ATG10: variants seen among roughly 807,000 people sequenced by gnomAD.
ATG10 encodes the protein autophagy related 10, also known as ubiquitin-like-conjugating enzyme ATG10.
In ATG10, 30 loss-of-function variants were observed where a neutral mutation model predicts 32.1. The observed-to-expected ratio is 0.94, with a 90% CI of 0.70 to 1.27. The LOEUF (loss-of-function observed/expected upper bound fraction) is 1.27. ATG10 is among the 50% of genes most tolerant of loss of function. ATG10 has a pLI of 0.00. For synonymous variants in ATG10, 87 were observed against 91.5 expected (o/e 0.95, Z 0.28); for missense variants, 233 against 262.3 (o/e 0.89, Z 0.77).
intron 5 of ATG10, among the ~76,000 whole-genome samples, chr5:82,231,808 A>G (rs1581831927): frequency 6.6e-6 from 1 of 152,300 alleles, no homozygotes; most frequent in South Asian, 2.1e-4. Flanking sequence ...AAAGTTGGGT[A>G]AGAAGCAGAA....
chr5:82,044,447 A>G (rs1185647891), intron 2 of ATG10, among the ~76,000 whole-genome samples: 1 of 151,780 alleles, frequency 6.6e-6, no homozygotes, highest in Non-Finnish European at 1.5e-5. Context: ...GTCCAATTCT[A>G]TTGGCTGATT....
intron 2 of ATG10, among the ~76,000 whole-genome samples, chr5:82,013,553 C>G (rs1017665220): frequency 6.6e-6 from 1 of 152,186 alleles, no homozygotes; most frequent in African/African-American, 2.4e-5. Context: ...AATGGTAGAT[C>G]TACTTTTAGT....
intron 3 of ATG10, among the ~76,000 whole-genome samples, chr5:82,097,241 ATTGAAAT>A (rs1416195995): frequency 8.5e-5 from 13 of 152,160 alleles, no homozygotes; most frequent in Non-Finnish European, 1.2e-4. Context: ...ATTTTTTTGT[ATTGAAAT>A]TTAAAATTTA....
intron 3 of ATG10, among the ~76,000 whole-genome samples, chr5:82,108,106 T>G (rs908453337): frequency 1.3e-5 from 2 of 152,026 alleles, no homozygotes; most frequent in African/African-American, 4.8e-5. Flanking sequence ...GAGTTTATTC[T>G]GTTGTCAGAG....
At chr5:82,188,649 G>A (rs1019134930) in intron 5 of ATG10, among the ~76,000 whole-genome samples, 1 of 152,080 alleles carries the variant, frequency 6.6e-6, no homozygotes, top group African/African-American at 2.4e-5. Context: ...ACAGCTTGGA[G>A]CAGGTGGAGA....
rs1747448040 is a variant in ATG10, at chr5:82,256,083, T to G, written c.*2020T>G. On this transcript the variant is annotated 3_prime_UTR_variant, in exon 8 of 8. Coordinates refer to ENST00000282185, the MANE Select transcript of ATG10 (RefSeq NM_031482.5). ...TAAACACAGATTTCTCAGCAAGTCATTTCTCAAGCCATGTCATTTCTAGTG... is the reference window on the plus strand; with the variant it reads ...TAAACACAGATTTCTCAGCAAGTCAGTTCTCAAGCCATGTCATTTCTAGTG... 6.6e-6 allele frequency: 1 copy of G among 152,220 alleles called. No homozygotes were observed. The highest frequency in any genetic ancestry group is 1.5e-5 in the Non-Finnish European group (1 of 68,050). 9.4% of individuals were successfully genotyped at this position (152,220 alleles called of 1,614,324 possible).
chr5:82,052,212 T>C (rs1763451791), intron 2 of ATG10, among the ~76,000 whole-genome samples: 1 of 152,164 alleles, frequency 6.6e-6, no homozygotes, highest in African/African-American at 2.4e-5. Flanking sequence ...CCCATTTTCT[T>C]TTAGATGTGT....
intron 2 of ATG10, among the ~76,000 whole-genome samples, chr5:81,990,654 A>C (rs934111587): frequency 6.6e-6 from 1 of 152,210 alleles, no homozygotes; most frequent in Admixed American, 6.5e-5. Context: ...TTAGGTAGGA[A>C]AGTTCCTTAC....
chr5:81,982,989 G>A (rs756969256), intron 1 of ATG10, among the ~76,000 whole-genome samples: 1 of 152,216 alleles, frequency 6.6e-6, no homozygotes, highest in Non-Finnish European at 1.5e-5. Flanking sequence ...CCATTTCTCA[G>A]TCTTTTCCCC....
chr5:82,032,460 G>A (rs1317863887), intron 2 of ATG10, among the ~76,000 whole-genome samples: 1 of 151,928 alleles, frequency 6.6e-6, no homozygotes, highest in Non-Finnish European at 1.5e-5. Context: ...GCCATGAATA[G>A]CCATTCAAAT....
intron 3 of ATG10, among the ~76,000 whole-genome samples, chr5:82,159,971 T>C (rs1743248985): frequency 6.6e-6 from 1 of 152,170 alleles, no homozygotes; most frequent in Non-Finnish European, 1.5e-5. Context: ...TATAGTATAA[T>C]ATCAGAACCA....
chr5:82,157,079 CCCTCCTGCCTCG>C (rs1767826580), intron 3 of ATG10, among the ~76,000 whole-genome samples: 1 of 152,160 alleles, frequency 6.6e-6, no homozygotes, highest in African/African-American at 2.4e-5. Flanking sequence ...TGCATCCCCT[CCCTCCTGCCTCG>C]CCCTTGAGCA....
Position 82,200,463 on chromosome 5 carries a change from C to CTTTTT in ATG10, c.453+21900_453+21904dup, listed in dbSNP as rs764388608. Among the ~76,000 whole-genome samples the CTTTTT allele has an allele frequency of 4.9e-4, 26 of 52,556 alleles. 4 individuals are homozygous for CTTTTT. The highest frequency in any genetic ancestry group is 1.1e-3 in the East Asian group (2 of 1,882). 34.5% of individuals were successfully genotyped at this position (52,556 alleles called of 152,430 possible). ...ATCTTTTCAAATCTTTCCCTAACTT[C>CTTTTT]TTTTTTTTTTTTTTTTTTTTTTTTT... is the stretch of plus-strand genomic sequence containing the variant. On this transcript the variant is annotated intron_variant, in intron 5 of 7. Coordinates refer to ENST00000282185, the MANE Select transcript of ATG10 (RefSeq NM_031482.5).
chr5:81,993,661 C>T (rs145646656), intron 2 of ATG10, among the ~76,000 whole-genome samples: 312 of 151,698 alleles, frequency 2.1e-3, no homozygotes, highest in African/African-American at 6.8e-3. Flanking sequence ...CTCCTGACCT[C>T]GTGATCCGCC....
At chr5:82,085,641 A>C (rs938518666) in intron 3 of ATG10, among the ~76,000 whole-genome samples, 5 of 152,194 alleles carry the variant, frequency 3.3e-5, no homozygotes, top group Middle Eastern at 3.4e-3. Context: ...AGTATAACAA[A>C]AAAAAAAGAA....
At chr5:82,047,405 GTAAT>G (rs1401865293) in intron 2 of ATG10, among the ~76,000 whole-genome samples, 1 of 152,184 alleles carries the variant, frequency 6.6e-6, no homozygotes, top group Non-Finnish European at 1.5e-5. Context: ...ACTGTTAAAA[GTAAT>G]TAATAAGGAA....
At chr5:82,079,524 C>A (rs1561287506) in intron 3 of ATG10, among the ~76,000 whole-genome samples, 1 of 151,938 alleles carries the variant, frequency 6.6e-6, no homozygotes, top group Non-Finnish European at 1.5e-5. Flanking sequence ...CAATCCCCCA[C>A]CCCACGACAG....
At chr5:82,232,156 C>T (rs1261132538) in intron 5 of ATG10, among the ~76,000 whole-genome samples, 1 of 152,106 alleles carries the variant, frequency 6.6e-6, no homozygotes, top group Non-Finnish European at 1.5e-5. Context: ...CGCAACACAC[C>T]TAGCTCAAAA....
Position 82,255,092 on chromosome 5 carries a change from A to G in ATG10, c.*1029A>G, listed in dbSNP as rs1581855469. 6.6e-6 allele frequency: 1 copy of G among 152,194 alleles called. No homozygotes were observed. The highest frequency in any genetic ancestry group is 1.9e-4 in the East Asian group (1 of 5,196). The allele number at this position is 152,194 out of a possible 1,614,324, so 9.4% of individuals were successfully genotyped here. A position where few individuals can be genotyped will look rare whatever the true frequency, so the allele number is the denominator to read the frequency against. The stretch of plus-strand genomic sequence containing the variant: ...CTTTTTGACCTATAGTAATAAAACA[A>G]TGGTCATTTTACCCCTCTGCTTCTC... On this transcript the variant is annotated 3_prime_UTR_variant, in exon 8 of 8. Transcript: ENST00000282185.
Sources: allele counts gnomAD v4.1 joint callset (sites outside exome capture counted in the v4.1 genomes callset), GRCh38; gene constraint gnomAD v4.1.1; transcripts MANE v1.5; gene names NCBI Gene and HGNC (gene_info 2026-07-23, HGNC 2026-07-21).